GFM1: variants seen among roughly 807,000 people sequenced by gnomAD.
GFM1 encodes G elongation factor mitochondrial 1, also known as elongation factor G, mitochondrial.
In GFM1, 62 loss-of-function variants were observed where a neutral mutation model predicts 96.2. The observed-to-expected ratio is 0.64, with a 90% CI of 0.53 to 0.80. GFM1 has a LOEUF of 0.80. Among genes scored for constraint, GFM1 ranks in the 30% least tolerant of loss-of-function variants. The pLI, the probability that GFM1 is intolerant of heterozygous loss-of-function variation, is 0.00. For missense variants in GFM1, 852 were observed against 916.6 expected (o/e 0.93, Z 0.91); for synonymous variants, 282 against 312.9 (o/e 0.90, Z 1.04).
At chr3:158,662,529 C>T (rs1723273740) in intron 10 of GFM1, 99 bp from the exon 11 acceptor site, 1 of 764,144 alleles carries the variant, frequency 1.3e-6, no homozygotes, top group Admixed American at 1.8e-5. Context: ...ACTATTTATC[C>T]TTTGTTCTGT....
In GFM1 at chr3:158,690,267, CA is replaced by C. The variant is rs762530361; in HGVS notation, c.2015del (p.His672LeufsTer3). The C allele has an allele frequency of 6.2e-7, 1 of 1,613,856 alleles. No homozygotes were observed. The highest frequency in any genetic ancestry group is 1.1e-5 in the South Asian group (1 of 91,076). On this transcript the variant is annotated frameshift_variant, in exon 16 of 18. Coordinates refer to ENST00000486715, the MANE Select transcript of GFM1 (RefSeq NM_024996.7). LOFTEE classifies it high-confidence loss of function. ...AGTAATTGCAGGAATTAACCGACGC[CA>C]TGGGGTAATCACTGGGCAAGATGGA... ...GQVIAGINRRHGVITGQDGVE... is the reference protein window; with the variant it reads ...GQVIAGINRRXGVITGQDGVE...
rs185759558 is a variant in GFM1 at position 158,658,574 on chromosome 3, C to T, written c.1084-348C>T. Among the ~76,000 whole-genome samples, 523 of 152,198 alleles carry T rather than the reference C, an allele frequency of 3.4e-3. 2 individuals carry two copies. Among genetic ancestry groups the T allele is most frequent in the Non-Finnish European group, 5.6e-3 (379 of 67,994 alleles). On this transcript the variant is annotated intron_variant, in intron 8 of 17. Coordinates refer to ENST00000486715, the MANE Select transcript of GFM1 (RefSeq NM_024996.7). ...TATCTTTGTTGTTTTTCCAAGTATA[C>T]CTTTTTTTTGTTTTATATCTTATTG...
intron 15 of GFM1, 81 bp downstream of exon 15, chr3:158,684,749 C>G: frequency 1.4e-6 from 2 of 1,440,822 alleles, no homozygotes; most frequent in Non-Finnish European, 1.9e-6. Flanking sequence ...TGTTTTCAGT[C>G]TTCTTCACCC....
Position 158,646,930 on chromosome 3 carries a change from G to T in GFM1, c.555G>T (p.Arg185Ser). The part of the protein sequence containing the change: ...KLDRMGSNPA[R>S]ALQQMRSKLN... ...ACCGAATGGGCTCCAACCCAGCCAG[G>T]GCCCTGCAGCAAATGAGGTAATGAG... is the stretch of plus-strand genomic sequence containing the variant. The change falls in exon 4 of 18, where the codon AGG becomes AGT. Residue 185 changes from arginine to serine, a missense_variant. Coordinates refer to ENST00000486715, the MANE Select transcript of GFM1 (RefSeq NM_024996.7). 1 of 1,614,036 alleles carries T rather than the reference G, an allele frequency of 6.2e-7. No individual in the cohort carries two copies. Among genetic ancestry groups the T allele is most frequent in the South Asian group, 1.1e-5 (1 of 91,070 alleles).
chr3:158,650,268 C>T, intron 5 of GFM1: 5 of 573,702 alleles, frequency 8.7e-6, no homozygotes, highest in Non-Finnish European at 1.6e-5. Context: ...TTTTTTCCTA[C>T]TTTATTCACT....
At position 158,666,933 on chromosome 3, in the gene GFM1, A is replaced by C. The variant is rs572717114; in HGVS notation, c.1601+547A>C. 20 of 1,536,018 alleles carry C rather than the reference A, an allele frequency of 1.3e-5. No homozygotes were observed. In the East Asian group the frequency reaches 4.7e-4, roughly 36 times the overall value. ...TACATGAATTCTGATTTAGAGTCAA[A>C]ATTAATAAAGCATACTGTGGCTATA... On this transcript the variant is annotated intron_variant, in intron 13 of 17. Transcript: ENST00000486715.
In GFM1 at chr3:158,694,261, T is replaced by C. The variant is rs1726472344; in HGVS notation, c.*2794T>C. On this transcript the variant is annotated 3_prime_UTR_variant, in exon 18 of 18. Coordinates refer to ENST00000486715, the MANE Select transcript of GFM1 (RefSeq NM_024996.7). Reference sequence around the variant, plus strand: ...ATACTATGCAGCCATAAAAAAAGAATGAGATCAAGTCCTTTGCAGGGACAT... The same window carrying C: ...ATACTATGCAGCCATAAAAAAAGAACGAGATCAAGTCCTTTGCAGGGACAT... Among the ~76,000 whole-genome samples the C allele has an allele frequency of 6.6e-6, 1 of 152,090 alleles. No individual in the cohort carries two copies. The highest frequency in any genetic ancestry group is 2.1e-4 in the South Asian group (1 of 4,824).
At chr3:158,646,409 C>T in intron 3 of GFM1, 112 bp downstream of exon 3, 1 of 1,119,982 alleles carries the variant, frequency 8.9e-7, no homozygotes, top group Non-Finnish European at 1.3e-6. Context: ...AAGTGTAACA[C>T]TGAATTCCTA....
chr3:158,674,410 A>G (rs1003242369), intron 13 of GFM1, among the ~76,000 whole-genome samples: 1 of 152,042 alleles, frequency 6.6e-6, no homozygotes, highest in African/African-American at 2.4e-5. Flanking sequence ...ACCCATGGCA[A>G]TATTTTTGCA....
intron 13 of GFM1, chr3:158,669,265 A>G: frequency 1.6e-6 from 2 of 1,219,722 alleles, no homozygotes; most frequent in South Asian, 1.5e-5. Flanking sequence ...CTATGGATCT[A>G]TAAAATTTCT....
At position 158,652,343 on chromosome 3, in the gene GFM1, T is replaced by A. The variant is rs1576732622; in HGVS notation, c.840+97T>A. ...TGATGCTTTTATGTATGGGCTTTAT[T>A]AATGAAATCTCAATACATTTATTTA... On this transcript the variant is annotated intron_variant, in intron 6 of 17. Transcript: ENST00000486715. 4.0e-6 allele frequency: 4 copies of A among 993,600 alleles called. No homozygotes were observed. In the East Asian group the frequency reaches 9.7e-5, roughly 24 times the overall value. 61.5% of individuals were successfully genotyped at this position (993,600 alleles called of 1,614,324 possible).
At chr3:158,645,821 A>G (rs1721735500) in intron 2 of GFM1, 40 bp downstream of exon 2, 21 of 1,514,968 alleles carry the variant, frequency 1.4e-5, no homozygotes, top group Non-Finnish European at 1.8e-5. Context: ...TTAGAACCAG[A>G]TTTTAATTGT....
rs549343306 is a variant in GFM1, at chr3:158,649,730, T to C, written c.689+573T>C. 1.2e-3 allele frequency: 470 copies of C among 396,460 alleles called. 13 individuals are homozygous for C. The South Asian group carries it at 0.026, about 22-fold the overall frequency. The allele number at this position is 396,460 out of a possible 1,614,324, so 24.6% of individuals were successfully genotyped here. On this transcript the variant is annotated intron_variant, in intron 5 of 17. Coordinates refer to ENST00000486715, the MANE Select transcript of GFM1 (RefSeq NM_024996.7). Reference sequence around the variant, plus strand: ...TGAGTGACCTTTACCTACAAAGTACTGTAATTGCCTGGTAGTTATCAAACC... The same window carrying C: ...TGAGTGACCTTTACCTACAAAGTACCGTAATTGCCTGGTAGTTATCAAACC...
At chr3:158,661,454 T>C (rs1431879058) in intron 10 of GFM1, among the ~76,000 whole-genome samples, 1 of 152,200 alleles carries the variant, frequency 6.6e-6, no homozygotes, top group Non-Finnish European at 1.5e-5. Context: ...AGACTTGGGA[T>C]AACAGAACAT....
intron 13 of GFM1, chr3:158,672,680 G>A: frequency 1.9e-6 from 1 of 534,380 alleles, no homozygotes; most frequent in Non-Finnish European, 3.3e-6. Context: ...GAGAGCCCTG[G>A]GCTGACTGCT....
chr3:158,666,409 CATT>C (rs1723686334), intron 13 of GFM1, 23 bp downstream of exon 13: 2 of 1,582,226 alleles, frequency 1.3e-6, no homozygotes, highest in Non-Finnish European at 1.7e-6. Context: ...CGTAATTAAA[CATT>C]ATGAGGCTGA....
At chr3:158,669,313 A>T in intron 13 of GFM1, 1 of 1,215,492 alleles carries the variant, frequency 8.2e-7, no homozygotes, top group South Asian at 1.5e-5. Flanking sequence ...AGAAATGAGT[A>T]TTTTTGCAAA....
At chr3:158,667,091 AAAC>A (rs1175027959) in intron 13 of GFM1, 3 of 1,571,024 alleles carry the variant, frequency 1.9e-6, no homozygotes, top group African/African-American at 2.7e-5. Context: ...CAAAAAATAA[AAAC>A]GTGTTGTTTA....
intron 13 of GFM1, chr3:158,666,863 A>T (rs766838385): frequency 4.1e-5 from 59 of 1,426,082 alleles, no homozygotes; most frequent in Non-Finnish European, 5.4e-5. Flanking sequence ...CTTTTGTTAA[A>T]TTGCTGCAAT....
Sources: gnomAD v4.1 joint callset for allele counts (sites outside exome capture counted in the v4.1 genomes callset) on GRCh38, gnomAD v4.1.1 for gene constraint, MANE v1.5 for transcripts, NCBI Gene and HGNC (gene_info 2026-07-23, HGNC 2026-07-21) for gene names.